Variants in SCN10A observed in about 807,000 individuals in gnomAD.
SCN10A encodes the protein sodium channel protein type 10 subunit alpha.
Under a neutral mutation model 170.7 loss-of-function variants are expected in SCN10A, and 162 were observed. The ratio of observed to expected loss-of-function variants is 0.95; its 90% CI spans 0.84 to 1.08. SCN10A has a LOEUF of 1.08. Ranked by LOEUF, SCN10A falls within the 50% of genes least tolerant of loss-of-function variation. The probability of loss-of-function intolerance (pLI) is 0.00; values close to 1 mark genes in which losing one functional copy is unlikely to be tolerated. For synonymous variants in SCN10A, 985 were observed against 904.6 expected (o/e 1.09, Z -1.59); for missense variants, 2,527 against 2,436.9 (o/e 1.04, Z -0.78).
rs190039531 is a variant in SCN10A at position 38,812,169 on chromosome 3, T to C, written c.-33+3868A>G. Among the ~76,000 whole-genome samples, 466 of 152,334 alleles carry C rather than the reference T, an allele frequency of 3.1e-3. 5 individuals carry two copies. Among genetic ancestry groups the C allele is most frequent in the African/African-American group, 0.01 (436 of 41,580 alleles). On this transcript the variant is annotated intron_variant, in intron 1 of 27. Transcript: ENST00000449082. ...TTTAAAAATTGAACAAAAAAGATGA[T>C]TGTCTTACTAATAAAAGTATCTTCT...
At chr3:38,793,182 A>G (rs2064306110) in intron 2 of SCN10A, among the ~76,000 whole-genome samples, 1 of 152,274 alleles carries the variant, frequency 6.6e-6, no homozygotes, top group South Asian at 2.1e-4. Context: ...GAGTGATGAC[A>G]TCATCCCCCA....
chr3:38,789,177 A>G (rs2064248152), intron 3 of SCN10A, 141 bp from the exon 4 acceptor site: 2 of 637,846 alleles, frequency 3.1e-6, no homozygotes, highest in Non-Finnish European at 5.7e-6. Flanking sequence ...AACCACTAAC[A>G]TTTACTGAGT....
intron 24 of SCN10A, among the ~76,000 whole-genome samples, chr3:38,710,185 A>C (rs925828467): frequency 6.6e-6 from 1 of 151,718 alleles, no homozygotes; most frequent in Non-Finnish European, 1.5e-5. Flanking sequence ...TTTGAGATTG[A>C]GTCTCGCTGT....
chr3:38,781,061 C>T (rs1047760162), intron 4 of SCN10A, among the ~76,000 whole-genome samples: 4 of 152,054 alleles, frequency 2.6e-5, no homozygotes, highest in Non-Finnish European at 5.9e-5. Context: ...AAATGGGTGC[C>T]TCATAAGCTA....
intron 1 of SCN10A, among the ~76,000 whole-genome samples, chr3:38,799,552 A>G (rs1212013897): frequency 2.6e-5 from 4 of 152,202 alleles, no homozygotes; most frequent in Admixed American, 6.5e-5. Context: ...TGAACGTGGC[A>G]GGGAGATAGA....
At chr3:38,795,340 TCTTTTTC>T (rs1271325622) in intron 1 of SCN10A, among the ~76,000 whole-genome samples, 1 of 131,164 alleles carries the variant, frequency 7.6e-6, no homozygotes, top group African/African-American at 3.1e-5. Flanking sequence ...TTTTTCTTTT[TCTTTTTC>T]TTTTTTTTTT....
rs753292241 is a variant in SCN10A, at chr3:38,793,779, G to A, written c.232C>T (p.Pro78Ser). 4.3e-6 allele frequency: 7 copies of A among 1,613,700 alleles called. No individual in the cohort carries two copies. The East Asian group carries it at 1.1e-4, about 26-fold the overall frequency. The part of the protein sequence containing the change: ...GELPAELIGE[P>S]LEDLDPFYST... The stretch of plus-strand genomic sequence containing the variant: ...TAGAACGGATCTAGATCCTCCAGGG[G>A]CTCCCCGATCAGTTCTGCTGGGAGC... Residue 78 changes from proline (P) to serine (S), a missense_variant, in exon 2 of 28, where the codon CCC becomes TCC. By Grantham distance (74) the Pro-to-Ser change is moderately conservative (BLOSUM62 -1). Transcript: ENST00000449082.
intron 4 of SCN10A, among the ~76,000 whole-genome samples, chr3:38,783,513 C>T (rs936700306): frequency 2.0e-5 from 3 of 151,924 alleles, no homozygotes; most frequent in African/African-American, 7.3e-5. Context: ...TAAGACTCAT[C>T]CTTATTGTTG....
Position 38,698,338 on chromosome 3 carries a change from T to C in SCN10A, c.4882A>G (p.Ser1628Gly). The C allele has an allele frequency of 3.1e-6, 5 of 1,613,970 alleles. No homozygotes were observed. Among genetic ancestry groups the C allele is most frequent in the South Asian group, 1.1e-5 (1 of 91,062 alleles). Residue 1628 changes from serine (S) to glycine (G), a missense_variant, in exon 28 of 28, where the codon AGC becomes GGC. Coordinates refer to ENST00000449082, the MANE Select transcript of SCN10A (RefSeq NM_006514.4). ...MFIYSIFGMS[S>G]FPHVRWEAGI... ...GCCTCCCACCTCACATGGGGAAAGC[T>C]GGACATACCGAAGATAGAGTAGATG...
At chr3:38,811,833 A>G (rs1369202477) in intron 1 of SCN10A, among the ~76,000 whole-genome samples, 1 of 152,080 alleles carries the variant, frequency 6.6e-6, no homozygotes, top group Non-Finnish European at 1.5e-5. Flanking sequence ...CTCCTCTCAT[A>G]CTGATTTCCC....
chr3:38,717,347 G>T (rs2063343675), intron 21 of SCN10A, among the ~76,000 whole-genome samples: 1 of 152,254 alleles, frequency 6.6e-6, no homozygotes, highest in African/African-American at 2.4e-5. Context: ...TCAGTAGGAA[G>T]ATGGATGAAA....
intron 4 of SCN10A, among the ~76,000 whole-genome samples, chr3:38,785,651 G>A (rs2064190731): frequency 6.6e-6 from 1 of 152,134 alleles, no homozygotes; most frequent in African/African-American, 2.4e-5. Context: ...TTAAACTAAA[G>A]AGCTTCTGCA....
chr3:38,776,276 T>A (rs2064073257), intron 4 of SCN10A, among the ~76,000 whole-genome samples: 1 of 152,138 alleles, frequency 6.6e-6, no homozygotes, highest in Non-Finnish European at 1.5e-5. Context: ...TTTGTATTTT[T>A]ACAATGGAGG....
intron 26 of SCN10A, 87 bp from the exon 27 acceptor site, chr3:38,702,196 A>G: frequency 7.3e-7 from 1 of 1,371,178 alleles, no homozygotes; most frequent in Non-Finnish European, 9.8e-7. Flanking sequence ...TTTTGTCTCC[A>G]TCACACTCCA....
chr3:38,715,205 T>G (rs2063322505), intron 21 of SCN10A, among the ~76,000 whole-genome samples: 1 of 152,156 alleles, frequency 6.6e-6, no homozygotes, highest in African/African-American at 2.4e-5. Flanking sequence ...TTCAGTCTTT[T>G]GCTCAGCCCC....
intron 16 of SCN10A, 120 bp downstream of exon 16, chr3:38,728,422 A>T: frequency 8.7e-7 from 1 of 1,144,598 alleles, no homozygotes; most frequent in Non-Finnish European, 1.2e-6. Context: ...AAGTTTGAAG[A>T]CTTTTCAACC....
chr3:38,721,768 T>C (rs1343921878), intron 20 of SCN10A, among the ~76,000 whole-genome samples: 2 of 152,244 alleles, frequency 1.3e-5, no homozygotes, highest in Admixed American at 6.5e-5. Flanking sequence ...TTGTAATGAT[T>C]TTCTGTGAGC....
At chr3:38,715,213 C>T (rs1220803505) in intron 21 of SCN10A, among the ~76,000 whole-genome samples, 1 of 152,100 alleles carries the variant, frequency 6.6e-6, no homozygotes, top group African/African-American at 2.4e-5. Flanking sequence ...TTTGCTCAGC[C>T]CCCTGGGAAG....
chr3:38,702,198 C>T (rs2125983061), intron 26 of SCN10A, 89 bp from the exon 27 acceptor site: 2 of 1,353,976 alleles, frequency 1.5e-6, no homozygotes, highest in East Asian at 2.4e-5. Context: ...TTGTCTCCAT[C>T]ACACTCCACA....
Sources: gnomAD v4.1 joint callset for allele counts (sites outside exome capture counted in the v4.1 genomes callset) on GRCh38, gnomAD v4.1.1 for gene constraint, MANE v1.5 for transcripts, NCBI Gene and HGNC (gene_info 2026-07-23, HGNC 2026-07-21) for gene names.